The following CHL1 variants were observed in gnomAD, a reference collection of about 807,000 sequenced individuals.
CHL1 encodes cell adhesion molecule L1 like, also known as neural cell adhesion molecule L1-like protein.
A neutral mutation model predicts 141.9 loss-of-function variants in CHL1; 96 were observed. The ratio of observed to expected loss-of-function variants is 0.68; its 90% CI spans 0.57 to 0.80. The LOEUF (loss-of-function observed/expected upper bound fraction) is 0.80. Among genes scored for constraint, CHL1 ranks in the 30% least tolerant of loss-of-function variants. The probability of loss-of-function intolerance (pLI) is 0.00; values close to 1 mark genes in which losing one functional copy is unlikely to be tolerated. For missense variants in CHL1, 1,820 were observed against 1,457.2 expected (o/e 1.25, Z -4.05); for synonymous variants, 613 against 502.2 (o/e 1.22, Z -2.95).
intron 2 of CHL1, among the ~76,000 whole-genome samples, chr3:295,776 G>A (rs199712686): frequency 6.6e-6 from 1 of 152,128 alleles, no homozygotes; most frequent in African/African-American, 2.4e-5. Flanking sequence ...CTTTTCTTTT[G>A]TACTTCCGTT....
chr3:369,512 G>A (rs1705350222), intron 15 of CHL1, among the ~76,000 whole-genome samples: 1 of 152,110 alleles, frequency 6.6e-6, no homozygotes, highest in Admixed American at 6.5e-5. Flanking sequence ...TAGACAACGG[G>A]GTTTTCTAAA....
intron 2 of CHL1, among the ~76,000 whole-genome samples, chr3:263,078 T>C (rs1694867780): frequency 6.6e-6 from 1 of 152,340 alleles, no homozygotes; most frequent in South Asian, 2.1e-4. Context: ...GAGGGAAATT[T>C]GGAGAGTAGA....
intron 1 of CHL1, among the ~76,000 whole-genome samples, chr3:242,097 T>G (rs1346479719): frequency 6.6e-6 from 1 of 152,184 alleles, no homozygotes; most frequent in African/African-American, 2.4e-5. Context: ...GAGACACTAG[T>G]ATGCTAAAAT....
chr3:242,613 T>C (rs1272783427), intron 1 of CHL1, among the ~76,000 whole-genome samples: 1 of 38,406 alleles, frequency 2.6e-5, no homozygotes, highest in African/African-American at 6.6e-5. Flanking sequence ...ATAAATAAAA[T>C]AAAATAAAAT....
In CHL1 at chr3:382,712, T is replaced by C. The variant is rs1381527637; in HGVS notation, c.2176+41T>C. ...CATCAGGTTTCTAACAAAATATTTG[T>C]TTGTCCCCATCTTTGAACATCTAAA... On this transcript the variant is annotated intron_variant, in intron 18 of 27. Coordinates refer to ENST00000256509, the MANE Select transcript of CHL1 (RefSeq NM_006614.4). 4 of 1,549,948 alleles carry C rather than the reference T, an allele frequency of 2.6e-6. 1 individual carries two copies. In the South Asian group the frequency reaches 4.5e-5, roughly 17 times the overall value.
chr3:282,262 C>T (rs572151291), intron 2 of CHL1, among the ~76,000 whole-genome samples: 1 of 152,260 alleles, frequency 6.6e-6, no homozygotes, highest in African/African-American at 2.4e-5. Flanking sequence ...CTAATATGTA[C>T]CTGTTACTTC....
chr3:351,298 A>G (rs1303519276), intron 10 of CHL1, among the ~76,000 whole-genome samples: 1 of 152,248 alleles, frequency 6.6e-6, no homozygotes, highest in African/African-American at 2.4e-5. Flanking sequence ...AACAGCTATT[A>G]GCACTATTGA....
chr3:219,776 A>G (rs1700661322), intron 1 of CHL1, among the ~76,000 whole-genome samples: 1 of 152,202 alleles, frequency 6.6e-6, no homozygotes, highest in African/African-American at 2.4e-5. Context: ...CTGTACAACA[A>G]ACCCACATGA....
At chr3:254,989 C>G (rs1403718887) in intron 2 of CHL1, among the ~76,000 whole-genome samples, 1 of 152,200 alleles carries the variant, frequency 6.6e-6, no homozygotes, top group African/African-American at 2.4e-5. Flanking sequence ...TGTCCCTACC[C>G]TTTCCTCAGA....
At chr3:320,080 C>G (rs1297987105) in intron 3 of CHL1, among the ~76,000 whole-genome samples, 3 of 151,872 alleles carry the variant, frequency 2.0e-5, no homozygotes, top group Non-Finnish European at 4.4e-5. Flanking sequence ...GCTTTTAGTT[C>G]CTTATGCAAA....
At chr3:302,755 C>G (rs775843555) in intron 2 of CHL1, among the ~76,000 whole-genome samples, 6 of 152,092 alleles carry the variant, frequency 3.9e-5, no homozygotes, top group Non-Finnish European at 7.4e-5. Flanking sequence ...TAATTAGATC[C>G]CATTTGTCAG....
At chr3:285,812 T>C (rs1697078034) in intron 2 of CHL1, among the ~76,000 whole-genome samples, 1 of 152,176 alleles carries the variant, frequency 6.6e-6, no homozygotes, top group South Asian at 2.1e-4. Flanking sequence ...ATTTTTATTT[T>C]GCTTTCTATG....
chr3:270,644 C>T (rs1370205933), intron 2 of CHL1, among the ~76,000 whole-genome samples: 1 of 152,172 alleles, frequency 6.6e-6, no homozygotes, highest in Admixed American at 6.5e-5. Flanking sequence ...TGGCCAAAAA[C>T]AATAATTTAT....
chr3:212,656 T>C (rs866332366), intron 1 of CHL1, among the ~76,000 whole-genome samples: 14 of 152,222 alleles, frequency 9.2e-5, no homozygotes, highest in African/African-American at 3.4e-4. Context: ...CAAGTAACTG[T>C]CACATTTCGT....
chr3:328,382 T>C, intron 5 of CHL1, 28 bp downstream of exon 5: 1 of 1,561,810 alleles, frequency 6.4e-7, no homozygotes, highest in South Asian at 1.2e-5. Context: ...AATTTCATTT[T>C]ACAAGTGTTT....
chr3:237,496 A>G (rs536107334), intron 1 of CHL1, among the ~76,000 whole-genome samples: 1 of 152,224 alleles, frequency 6.6e-6, no homozygotes, highest in South Asian at 2.1e-4. Context: ...ATAGTAAAAG[A>G]CTGAGGTATA....
At chr3:395,006 C>G in intron 24 of CHL1, 134 bp downstream of exon 24, 1 of 741,596 alleles carries the variant, frequency 1.3e-6, no homozygotes, top group South Asian at 2.6e-5. Context: ...CTCTGTCTGA[C>G]CTTCTGTTTT....
chr3:205,396 G>A (rs796699919), intron 1 of CHL1, among the ~76,000 whole-genome samples: 12 of 152,254 alleles, frequency 7.9e-5, no homozygotes, highest in African/African-American at 2.6e-4. Flanking sequence ...TTACAGGCAT[G>A]AGCCACCTTA....
Position 305,066 on chromosome 3 carries a change from A to G in CHL1, c.-94-14617A>G, listed in dbSNP as rs566767318. Among the ~76,000 whole-genome samples the G allele has an allele frequency of 9.9e-5, 15 of 152,262 alleles. No individual in the cohort carries two copies. In the South Asian group the frequency reaches 2.1e-3, roughly 21 times the overall value. On this transcript the variant is annotated intron_variant, in intron 2 of 27. Coordinates refer to ENST00000256509, the MANE Select transcript of CHL1 (RefSeq NM_006614.4). ...TTGAATTCAAATTGCATGCCAAACCATAACATTTAGGAAAACATCATATCT... is the reference window on the plus strand; with the variant it reads ...TTGAATTCAAATTGCATGCCAAACCGTAACATTTAGGAAAACATCATATCT...
Sources: allele counts gnomAD v4.1 joint callset (sites outside exome capture counted in the v4.1 genomes callset), GRCh38; gene constraint gnomAD v4.1.1; transcripts MANE v1.5; gene names NCBI Gene and HGNC (gene_info 2026-07-23, HGNC 2026-07-21).